Variants in FABP6 observed in about 807,000 individuals in gnomAD.
FABP6 encodes the protein fatty acid binding protein 6.
FABP6 carries 13 observed loss-of-function variants against 14.9 expected under a neutral mutation model. That is an observed-to-expected ratio of 0.87 (90% CI 0.57 to 1.39). FABP6 has a LOEUF of 1.39. FABP6 is among the 40% of genes most tolerant of loss of function. The pLI is 0.00. For missense variants in FABP6, 161 were observed against 167.2 expected, an observed-to-expected ratio of 0.96 and a Z score of 0.20; for synonymous variants, 75 against 63.6, an observed-to-expected ratio of 1.18 and a Z score of -0.85.
At chr5:160,191,073 G>A (rs1193395842) in intron 1 of FABP6, among the ~76,000 whole-genome samples, 1 of 134,770 alleles carries the variant, frequency 7.4e-6, no homozygotes, top group African/African-American at 2.8e-5. Context: ...TAGGCAACAA[G>A]AGCAAGACTC....
chr5:160,216,557 C>T (rs1180813692), intron 3 of FABP6, among the ~76,000 whole-genome samples: 2 of 152,062 alleles, frequency 1.3e-5, no homozygotes, highest in African/African-American at 2.4e-5. Context: ...CATGAGCCAC[C>T]GTGCCTGCCT....
At chr5:160,222,095 CTTTTTTT>C (rs202190021) in intron 3 of FABP6, among the ~76,000 whole-genome samples, 2 of 130,340 alleles carry the variant, frequency 1.5e-5, no homozygotes, top group African/African-American at 5.7e-5. Flanking sequence ...TTTTTCTTTT[CTTTTTTT>C]TTTTTTTTTT....
At chr5:160,212,442 C>T (rs1580909807) in intron 2 of FABP6, among the ~76,000 whole-genome samples, 4 of 152,092 alleles carry the variant, frequency 2.6e-5, no homozygotes, top group Admixed American at 2.6e-4. Flanking sequence ...GCATGAGCTT[C>T]TGCGTCTGGC....
At chr5:160,229,437 T>G (rs1204039560), upstream of FABP6, 36 of 1,550,566 alleles carry the variant, frequency 2.3e-5, no homozygotes, top group East Asian at 4.1e-4. Context: ...GGAGAAGAAG[T>G]GGGGTGACTT....
intron 2 of FABP6, among the ~76,000 whole-genome samples, chr5:160,200,246 C>G (rs577003581): frequency 6.6e-6 from 1 of 152,268 alleles, no homozygotes; most frequent in African/African-American, 2.4e-5. Flanking sequence ...AGTCATTATT[C>G]TTAAGAAAGT....
Position 160,203,812 on chromosome 5 carries a change from C to T in FABP6, c.51+4655C>T, listed in dbSNP as rs11952731. Among the ~76,000 whole-genome samples the T allele has an allele frequency of 6.1e-3, 928 of 151,988 alleles. 9 individuals are homozygous for T. The highest frequency in any genetic ancestry group is 0.022 in the African/African-American group (893 of 41,456). ...CGCCTTCCGGGTTCAAGCAATTCTC[C>T]AGCCTCAGCCTCTCAAGTAGCTGGG... On this transcript the variant is annotated intron_variant, in intron 2 of 6. Coordinates refer to the FABP6 transcript ENST00000393980.
At chr5:160,229,930 G>C (rs1001811764) in intron 1 of FABP6, among the ~76,000 whole-genome samples, 5 of 150,916 alleles carry the variant, frequency 3.3e-5, no homozygotes, top group African/African-American at 1.2e-4. Context: ...CTGGAGTGCA[G>C]TGGCACCATC....
upstream of FABP6, among the ~76,000 whole-genome samples, chr5:160,225,147 A>G (rs1400808804): frequency 1.3e-5 from 2 of 150,114 alleles, no homozygotes; most frequent in Non-Finnish European, 3.0e-5. Context: ...CCCGGGCTAG[A>G]GTGTGGTGGT....
At chr5:160,229,366 C>T (rs188752890), upstream of FABP6, 4,797 of 1,343,406 alleles carry the variant, frequency 3.6e-3, 11 homozygotes, top group Non-Finnish European at 4.4e-3. Context: ...CCTCGGGGCT[C>T]TGTCCCTCCA....
chr5:160,207,375 C>A (rs150915002), intron 2 of FABP6, among the ~76,000 whole-genome samples: 156 of 152,318 alleles, frequency 1.0e-3, no homozygotes, highest in African/African-American at 3.6e-3. Flanking sequence ...GACAAGGTAG[C>A]AATAGTCAGA....
chr5:160,222,119 G>C (rs1321825933), intron 3 of FABP6, among the ~76,000 whole-genome samples: 1 of 135,394 alleles, frequency 7.4e-6, no homozygotes, highest in Non-Finnish European at 1.6e-5. Context: ...TTTTAGACAG[G>C]GTCTTTCTCT....
chr5:160,193,541 T>G (rs569918780), intron 1 of FABP6, among the ~76,000 whole-genome samples: 1 of 152,018 alleles, frequency 6.6e-6, no homozygotes, highest in Non-Finnish European at 1.5e-5. Context: ...TTTGGCAGGG[T>G]GCTGATTGGT....
chr5:160,235,663 C>T (rs575525451), intron 3 of FABP6, among the ~76,000 whole-genome samples: 8 of 152,278 alleles, frequency 5.3e-5, no homozygotes, highest in South Asian at 2.1e-4. Flanking sequence ...TCTGGGGTCC[C>T]GTGTAGGTCT....
At chr5:160,222,312 C>G (rs1760146186) in intron 3 of FABP6, among the ~76,000 whole-genome samples, 1 of 151,728 alleles carries the variant, frequency 6.6e-6, no homozygotes, top group Non-Finnish European at 1.5e-5. Context: ...CTGGTCTCTT[C>G]CTACATTTTC....
intron 2 of FABP6, among the ~76,000 whole-genome samples, chr5:160,205,361 A>G (rs1759740645): frequency 6.6e-6 from 1 of 150,660 alleles, no homozygotes; most frequent in Non-Finnish European, 1.5e-5. Context: ...ACCCCCACAC[A>G]TTACATATTT....
upstream of FABP6, among the ~76,000 whole-genome samples, chr5:160,227,543 AG>A (rs1561754046): frequency 6.8e-6 from 1 of 146,932 alleles, no homozygotes. Flanking sequence ...AAAAAAAAAA[AG>A]GCATGGTGGC....
chr5:160,216,120 A>G (rs1027670854), intron 3 of FABP6, among the ~76,000 whole-genome samples: 1 of 152,272 alleles, frequency 6.6e-6, no homozygotes, highest in Non-Finnish European at 1.5e-5. Flanking sequence ...GGGAAAATTG[A>G]TGAGCTGCGA....
intron 3 of FABP6, among the ~76,000 whole-genome samples, chr5:160,236,454 C>T (rs1760517430): frequency 6.6e-6 from 1 of 152,126 alleles, no homozygotes; most frequent in Admixed American, 6.6e-5. Context: ...TGGGGGGACA[C>T]ACGCGCAGTC....
intron 1 of FABP6, chr5:160,198,995 A>G: frequency 3.8e-6 from 4 of 1,065,498 alleles, no homozygotes; most frequent in East Asian, 2.4e-5. Context: ...TGAATGAACA[A>G]TGAGATGGTC....
Sources: gnomAD v4.1 joint callset for allele counts (sites outside exome capture counted in the v4.1 genomes callset) on GRCh38, gnomAD v4.1.1 for gene constraint, MANE v1.5 for transcripts, NCBI Gene and HGNC (gene_info 2026-07-23, HGNC 2026-07-21) for gene names.